The following BTD variants were observed in gnomAD, a reference collection of about 807,000 sequenced individuals.
The protein encoded by BTD is biocytinase.
In BTD, 13 loss-of-function variants were observed where a neutral mutation model predicts 17.7. That is an observed-to-expected ratio of 0.74 (90% CI 0.48 to 1.17). The LOEUF is 1.17. Among genes scored for constraint, BTD ranks in the 50% most tolerant of loss-of-function variants. BTD has a pLI of 0.00. For missense variants in BTD, 674 were observed against 650.4 expected (o/e 1.04, Z -0.39); for synonymous variants, 240 against 245.2 (o/e 0.98, Z 0.20).
intron 3 of BTD, among the ~76,000 whole-genome samples, chr3:15,709,043 G>A (rs949658934): frequency 4.6e-5 from 7 of 152,092 alleles, no homozygotes; most frequent in Non-Finnish European, 8.8e-5. Context: ...CCTACTCTAA[G>A]TAACTTAACA....
chr3:15,702,962 T>C (rs1263979514), intron 3 of BTD, among the ~76,000 whole-genome samples: 6 of 152,348 alleles, frequency 3.9e-5, no homozygotes, highest in Admixed American at 1.3e-4. Flanking sequence ...TGACAGAGTT[T>C]AGACTAGTAT....
chr3:15,694,371 G>A (rs1425773005), intron 3 of BTD, among the ~76,000 whole-genome samples: 2 of 152,136 alleles, frequency 1.3e-5, no homozygotes, highest in Non-Finnish European at 2.9e-5. Context: ...CACAGAATGT[G>A]TGTGTATACC....
intron 3 of BTD, chr3:15,694,831 T>C (rs1014203613): frequency 6.2e-7 from 1 of 1,609,982 alleles, no homozygotes. Flanking sequence ...AGAAGAGGCA[T>C]TTTAAATGTC....
intron 1 of BTD, among the ~76,000 whole-genome samples, chr3:15,604,805 C>T (rs956011382): frequency 1.1e-4 from 16 of 152,200 alleles, no homozygotes; most frequent in African/African-American, 3.6e-4. Flanking sequence ...GCAAGAGTGA[C>T]CTTTACTCCA....
intron 3 of BTD, chr3:15,695,264 A>G (rs1277600327): frequency 3.7e-6 from 5 of 1,357,860 alleles, no homozygotes; most frequent in Non-Finnish European, 5.2e-6. Context: ...GTATTCATCT[A>G]TATTAAGTCT....
chr3:15,642,094 C>T (rs759177326), intron 3 of BTD, 37 bp downstream of exon 3: 1 of 1,612,530 alleles, frequency 6.2e-7, no homozygotes. Flanking sequence ...GCTGAGGGTA[C>T]ACAGAGGTGA....
chr3:15,665,066 G>T (rs543242053), intron 3 of BTD, among the ~76,000 whole-genome samples: 1 of 152,254 alleles, frequency 6.6e-6, no homozygotes, highest in Admixed American at 6.5e-5. Context: ...TAAGCTAGTA[G>T]ACAGGTATTT....
intron 3 of BTD, among the ~76,000 whole-genome samples, chr3:15,673,087 CTT>C (rs2125605173): frequency 6.6e-6 from 1 of 152,292 alleles, no homozygotes; most frequent in Non-Finnish European, 1.5e-5. Context: ...AGTTTTATCT[CTT>C]AACATGCCAC....
intron 1 of BTD, among the ~76,000 whole-genome samples, chr3:15,625,490 G>A (rs28612795): frequency 0.036 from 5,543 of 152,236 alleles, 278 homozygotes; most frequent in African/African-American, 0.11. Context: ...CTACAAAAGT[G>A]CGGGTGCCTC....
chr3:15,713,487 C>T, downstream of BTD: 1 of 1,505,132 alleles, frequency 6.6e-7, no homozygotes, highest in Non-Finnish European at 9.2e-7. Flanking sequence ...TCCCTTTGTG[C>T]TTGCCTGTAT....
chr3:15,611,605 G>A (rs1298510766), intron 1 of BTD, among the ~76,000 whole-genome samples: 2 of 151,924 alleles, frequency 1.3e-5, no homozygotes, highest in Non-Finnish European at 2.9e-5. Context: ...ATGATTGTTG[G>A]CATGGTTTAG....
At chr3:15,654,979 C>T (rs1473775392), downstream of BTD, among the ~76,000 whole-genome samples, 4 of 152,136 alleles carry the variant, frequency 2.6e-5, no homozygotes, top group African/African-American at 9.7e-5. Flanking sequence ...ATGATCTGCC[C>T]GCCTTGGCCT....
chr3:15,706,073 G>C (rs13084331), intron 3 of BTD, among the ~76,000 whole-genome samples: 1 of 150,530 alleles, frequency 6.6e-6, no homozygotes, highest in Non-Finnish European at 1.5e-5. Context: ...TTTTTTTTTT[G>C]TGTGTGTGTG....
At chr3:15,623,631 C>T (rs775694748) in intron 1 of BTD, among the ~76,000 whole-genome samples, 1 of 152,106 alleles carries the variant, frequency 6.6e-6, no homozygotes, top group East Asian at 1.9e-4. Context: ...GTGTTCCCAC[C>T]CAAATCTCAT....
Position 15,636,062 on chromosome 3 carries a change from A to G in BTD, c.249+374A>G, listed in dbSNP as rs79965381. On this transcript the variant is annotated intron_variant, in intron 2 of 3. Coordinates refer to ENST00000643237, the MANE Select transcript of BTD (RefSeq NM_001370658.1). ...AATCACGAGGTAAGTGGTAAACACT[A>G]TGGCTGCCCGGGTCCTGGAGAGTCC... Among the ~76,000 whole-genome samples the G allele has an allele frequency of 9.2e-5, 14 of 152,298 alleles. No individual in the cohort carries two copies. In the South Asian group the frequency reaches 1.5e-3, roughly 16 times the overall value.
intron 1 of BTD, among the ~76,000 whole-genome samples, chr3:15,626,619 A>G (rs1012983919): frequency 2.6e-5 from 4 of 152,004 alleles, no homozygotes; most frequent in Admixed American, 6.6e-5. Context: ...TCTACAAAAA[A>G]TTAAAAAATT....
intron 1 of BTD, chr3:15,606,832 G>T (rs1269381595): frequency 6.6e-6 from 1 of 152,152 alleles, no homozygotes; most frequent in African/African-American, 2.4e-5. Context: ...TGTAATTACA[G>T]CCAGCTTGTC....
downstream of BTD, among the ~76,000 whole-genome samples, chr3:15,653,955 C>G (rs1290473744): frequency 1.3e-5 from 2 of 152,178 alleles, no homozygotes; most frequent in Non-Finnish European, 2.9e-5. Context: ...GGCTGAATCT[C>G]AAGTGATCTG....
chr3:15,654,823 G>A (rs930669626), downstream of BTD, among the ~76,000 whole-genome samples: 5 of 151,216 alleles, frequency 3.3e-5, no homozygotes, highest in African/African-American at 1.2e-4. Flanking sequence ...CAACCTCTGC[G>A]TCCCGGGTTC....
Sources: allele counts gnomAD v4.1 joint callset (sites outside exome capture counted in the v4.1 genomes callset), GRCh38; gene constraint gnomAD v4.1.1; transcripts MANE v1.5; gene names NCBI Gene and HGNC (gene_info 2026-07-23, HGNC 2026-07-21).